IL1RAP: variants seen among roughly 807,000 people sequenced by gnomAD.
The protein encoded by IL1RAP is interleukin-1 receptor accessory protein.
In IL1RAP, 35 loss-of-function variants were observed where a neutral mutation model predicts 60.7. The observed-to-expected ratio is 0.58, with a 90% CI of 0.44 to 0.76. The LOEUF (loss-of-function observed/expected upper bound fraction) is 0.76, where lower values mean the gene tolerates loss of function less well. IL1RAP is among the 30% of genes least tolerant of loss of function. The pLI, the probability that IL1RAP is intolerant of heterozygous loss-of-function variation, is 0.00. For synonymous variants in IL1RAP, 268 were observed against 250.9 expected (o/e 1.07, Z -0.64); for missense variants, 572 against 693.9 (o/e 0.82, Z 1.97).
At chr3:190,579,803 C>T (rs963790754) in intron 3 of IL1RAP, among the ~76,000 whole-genome samples, 20 of 152,066 alleles carry the variant, frequency 1.3e-4, no homozygotes, top group African/African-American at 4.8e-4. Flanking sequence ...TTGCCTATTC[C>T]GGATATTTCA....
At chr3:190,636,527 AC>A (rs142199730) in intron 9 of IL1RAP, among the ~76,000 whole-genome samples, 3,319 of 150,906 alleles carry the variant, frequency 0.022, 111 homozygotes, top group African/African-American at 0.077. Flanking sequence ...CTTTTTTTTT[AC>A]TTTTTTAATT....
At chr3:190,596,625 G>A (rs1729401959) in intron 3 of IL1RAP, among the ~76,000 whole-genome samples, 1 of 152,196 alleles carries the variant, frequency 6.6e-6, no homozygotes, top group African/African-American at 2.4e-5. Flanking sequence ...TGGCTGAGAG[G>A]AATGATGACT....
intron 3 of IL1RAP, among the ~76,000 whole-genome samples, chr3:190,586,984 T>C (rs990088274): frequency 2.0e-5 from 3 of 152,206 alleles, no homozygotes; most frequent in Non-Finnish European, 2.9e-5. Flanking sequence ...TTGTTCTACT[T>C]TCTATTAATG....
intron 1 of IL1RAP, among the ~76,000 whole-genome samples, chr3:190,545,249 C>T (rs976212967): frequency 6.6e-6 from 1 of 152,164 alleles, no homozygotes; most frequent in Non-Finnish European, 1.5e-5. Context: ...AGGGTTATTG[C>T]AGAGGGAGAT....
downstream of IL1RAP, among the ~76,000 whole-genome samples, chr3:190,651,941 C>T (rs946752070): frequency 4.6e-5 from 7 of 152,000 alleles, no homozygotes; most frequent in Admixed American, 2.6e-4. Context: ...GAACTTAGGT[C>T]GTTTACAGGA....
chr3:190,589,620 A>G (rs988494085), intron 3 of IL1RAP, among the ~76,000 whole-genome samples: 4 of 152,086 alleles, frequency 2.6e-5, no homozygotes, highest in Non-Finnish European at 5.9e-5. Flanking sequence ...GTTGCTGACA[A>G]GGTTTGCTAG....
At chr3:190,616,430 T>A (rs901963639) in intron 5 of IL1RAP, among the ~76,000 whole-genome samples, 3 of 152,166 alleles carry the variant, frequency 2.0e-5, no homozygotes, top group African/African-American at 7.2e-5. Flanking sequence ...GGTTTTTTTT[T>A]TTCTGGCAAT....
At chr3:190,615,113 C>T (rs1458220128) in intron 5 of IL1RAP, among the ~76,000 whole-genome samples, 1 of 151,366 alleles carries the variant, frequency 6.6e-6, no homozygotes, top group Non-Finnish European at 1.5e-5. Flanking sequence ...TCACAATTCT[C>T]TAATTCAACA....
intron 3 of IL1RAP, among the ~76,000 whole-genome samples, chr3:190,577,833 C>T (rs1179955522): frequency 6.6e-6 from 1 of 152,084 alleles, no homozygotes; most frequent in Non-Finnish European, 1.5e-5. Context: ...GTGTGAGCCA[C>T]CATGTCCAGC....
At chr3:190,656,894 C>T (rs1734636072) in exon 12 of IL1RAP, 1 of 279,016 alleles carries the variant, frequency 3.6e-6, no homozygotes, top group Non-Finnish European at 6.7e-6. Flanking sequence ...TGGTTTAAAA[C>T]TGAGCTAAGA....
At chr3:190,595,538 C>A (rs1173085099) in intron 3 of IL1RAP, among the ~76,000 whole-genome samples, 1 of 152,208 alleles carries the variant, frequency 6.6e-6, no homozygotes, top group Non-Finnish European at 1.5e-5. Flanking sequence ...CCCAAGCATA[C>A]CACTAGAAAA....
At chr3:190,605,865 A>G (rs1730280707) in intron 4 of IL1RAP, among the ~76,000 whole-genome samples, 1 of 152,186 alleles carries the variant, frequency 6.6e-6, no homozygotes, top group Non-Finnish European at 1.5e-5. Flanking sequence ...ATTCTAATGT[A>G]CTGTGAATTA....
chr3:190,644,834 T>A (rs1310973960), intron 10 of IL1RAP, among the ~76,000 whole-genome samples: 1 of 152,224 alleles, frequency 6.6e-6, no homozygotes, highest in East Asian at 1.9e-4. Context: ...TTCTACTTTA[T>A]CCTTATAGCA....
intron 11 of IL1RAP, 36 bp from the exon 12 acceptor site, chr3:190,648,302 G>A (rs752207275): frequency 3.9e-6 from 6 of 1,532,662 alleles, no homozygotes; most frequent in Non-Finnish European, 5.2e-6. Context: ...GGAGTTTTTG[G>A]CCAACACTAA....
intron 1 of IL1RAP, among the ~76,000 whole-genome samples, chr3:190,548,610 G>T (rs185921689): frequency 1.2e-3 from 180 of 152,302 alleles, no homozygotes; most frequent in Non-Finnish European, 1.8e-3. Context: ...AGTCAAAAAA[G>T]GAGAGTAGTA....
intron 11 of IL1RAP, among the ~76,000 whole-genome samples, chr3:190,647,456 G>T (rs1016396736): frequency 1.3e-5 from 2 of 152,340 alleles, no homozygotes; most frequent in South Asian, 2.1e-4. Context: ...TTGGTTCCAA[G>T]AATTTAGTGA....
chr3:190,630,993 T>C (rs867540069), intron 9 of IL1RAP, among the ~76,000 whole-genome samples: 2 of 152,348 alleles, frequency 1.3e-5, no homozygotes, highest in South Asian at 4.1e-4. Context: ...AAGATTTTCA[T>C]AGGTGTTATT....
chr3:190,626,673 T>C (rs1320563523), intron 7 of IL1RAP, among the ~76,000 whole-genome samples: 1 of 144,916 alleles, frequency 6.9e-6, no homozygotes, highest in African/African-American at 2.6e-5. Context: ...CCTTTTTTTT[T>C]TTTTTTTTTT....
intron 9 of IL1RAP, among the ~76,000 whole-genome samples, chr3:190,630,803 TGGTTTCTGCA>T (rs1732726502): frequency 6.6e-6 from 1 of 152,218 alleles, no homozygotes; most frequent in Admixed American, 6.5e-5. Flanking sequence ...GTTGAAATTC[TGGTTTCTGCA>T]CATCCTAACT....
Sources: gnomAD v4.1 joint callset for allele counts (sites outside exome capture counted in the v4.1 genomes callset) on GRCh38, gnomAD v4.1.1 for gene constraint, MANE v1.5 for transcripts, NCBI Gene and HGNC (gene_info 2026-07-23, HGNC 2026-07-21) for gene names.